The following GATA4 variants were observed in gnomAD, a reference collection of about 807,000 sequenced individuals.
GATA4 encodes GATA binding protein 4.
GATA4 carries 7 observed loss-of-function variants against 37.9 expected under a neutral mutation model. That is an observed-to-expected ratio of 0.18 (90% CI 0.11 to 0.35). The LOEUF (loss-of-function observed/expected upper bound fraction) is 0.35, where lower values mean the gene tolerates loss of function less well. Ranked by LOEUF, GATA4 falls within the 10% of genes least tolerant of loss-of-function variation. The pLI is 1.00. For synonymous variants in GATA4, 372 were observed against 292.6 expected, an observed-to-expected ratio of 1.27 and a Z score of -2.77; for missense variants, 647 against 653.0, an observed-to-expected ratio of 0.99 and a Z score of 0.10.
At chr8:11,701,773 C>G (rs934006729), upstream of GATA4, among the ~76,000 whole-genome samples, 2 of 150,600 alleles carry the variant, frequency 1.3e-5, no homozygotes, top group Non-Finnish European at 2.9e-5. Flanking sequence ...CCAGAGACAG[C>G]GAATATTCCT....
upstream of GATA4, among the ~76,000 whole-genome samples, chr8:11,699,876 A>G (rs975841065): frequency 1.3e-5 from 2 of 152,254 alleles, no homozygotes; most frequent in African/African-American, 4.8e-5. Context: ...AATGTTAAAC[A>G]TGCTCATTAA....
upstream of GATA4, among the ~76,000 whole-genome samples, chr8:11,689,684 C>T (rs1180616418): frequency 1.3e-5 from 2 of 152,168 alleles, no homozygotes; most frequent in Non-Finnish European, 2.9e-5. Flanking sequence ...CTCAAGCCCT[C>T]ACCCACCCCC....
chr8:11,677,690 C>G (rs1384500794), intron 1 of GATA4, among the ~76,000 whole-genome samples: 1 of 152,166 alleles, frequency 6.6e-6, no homozygotes, highest in African/African-American at 2.4e-5. Flanking sequence ...AGCTAGGTCT[C>G]AGAGCTCTCA....
chr8:11,741,443 G>C (rs1432805173), intron 2 of GATA4, among the ~76,000 whole-genome samples: 1 of 151,792 alleles, frequency 6.6e-6, no homozygotes, highest in Non-Finnish European at 1.5e-5. Context: ...TGAGCTGCTG[G>C]ACTCCAGCCT....
chr8:11,697,915 C>T (rs1168373570), intron 1 of GATA4: 4 of 985,382 alleles, frequency 4.1e-6, no homozygotes, highest in Non-Finnish European at 4.8e-6. Context: ...GGGGGACCCA[C>T]CAGTCCCCTG....
chr8:11,756,170 C>T (rs773784562), intron 5 of GATA4, among the ~76,000 whole-genome samples: 31 of 152,062 alleles, frequency 2.0e-4, no homozygotes, highest in Non-Finnish European at 4.3e-4. Flanking sequence ...GCTGATCTGA[C>T]GAAAAATTTA....
At chr8:11,720,678 A>G (rs1222446862) in intron 2 of GATA4, among the ~76,000 whole-genome samples, 1 of 151,984 alleles carries the variant, frequency 6.6e-6, no homozygotes, top group African/African-American at 2.4e-5. Flanking sequence ...TTCAGCTCCC[A>G]CTTATATGTG....
At chr8:11,725,416 G>A (rs367876118) in intron 2 of GATA4, among the ~76,000 whole-genome samples, 25 of 152,362 alleles carry the variant, frequency 1.6e-4, no homozygotes, top group South Asian at 6.2e-4. Context: ...ATCTGATTCC[G>A]TACTGGCCCC....
chr8:11,700,878 G>C (rs1242137061), upstream of GATA4: 2 of 152,156 alleles, frequency 1.3e-5, no homozygotes, highest in Non-Finnish European at 2.9e-5. Flanking sequence ...CGGGTGTAGC[G>C]GCCAAGATCA....
intron 2 of GATA4, among the ~76,000 whole-genome samples, chr8:11,710,049 G>C (rs910302980): frequency 2.0e-5 from 3 of 152,240 alleles, no homozygotes; most frequent in Non-Finnish European, 4.4e-5. Flanking sequence ...ACTTTGAAGA[G>C]TAAAGGCTAC....
upstream of GATA4, among the ~76,000 whole-genome samples, chr8:11,703,939 G>C (rs1438542796): frequency 6.6e-6 from 1 of 152,232 alleles, no homozygotes; most frequent in East Asian, 1.9e-4. Context: ...GCTGACCCTG[G>C]GCACCACAGC....
chr8:11,727,337 A>G (rs1585636894), intron 2 of GATA4, among the ~76,000 whole-genome samples: 1 of 151,766 alleles, frequency 6.6e-6, no homozygotes, highest in South Asian at 2.1e-4. Context: ...AGGAGAATGG[A>G]CCCGCCTGCT....
upstream of GATA4, among the ~76,000 whole-genome samples, chr8:11,688,705 G>A (rs184525283): frequency 1.4e-3 from 209 of 152,268 alleles, 1 homozygote; most frequent in African/African-American, 4.4e-3. Flanking sequence ...TTGAGGAGGT[G>A]GCCTTGCCTC....
At chr8:11,755,169 A>G (rs116050391) in intron 5 of GATA4, 36 bp downstream of exon 5, 1 of 1,539,210 alleles carries the variant, frequency 6.5e-7, no homozygotes, top group South Asian at 1.1e-5. Context: ...ATATGAGTAC[A>G]TCAGGAGCCC....
intron 1 of GATA4, among the ~76,000 whole-genome samples, chr8:11,695,527 A>G (rs1799480567): frequency 6.6e-6 from 1 of 152,206 alleles, no homozygotes; most frequent in South Asian, 2.1e-4. Flanking sequence ...TCAGAAATAC[A>G]GTCCTACGCT....
intron 1 of GATA4, among the ~76,000 whole-genome samples, chr8:11,693,580 G>C (rs970308188): frequency 1.3e-4 from 20 of 151,492 alleles, no homozygotes; most frequent in Non-Finnish European, 2.5e-4. Flanking sequence ...GAGAGAGAGA[G>C]AGAGAGAGAG....
At chr8:11,679,450 A>G (rs1375647697) in intron 1 of GATA4, among the ~76,000 whole-genome samples, 1 of 152,112 alleles carries the variant, frequency 6.6e-6, no homozygotes, top group Admixed American at 6.5e-5. Context: ...AAGGTCAATA[A>G]ACCAGGCGGC....
intron 1 of GATA4, among the ~76,000 whole-genome samples, chr8:11,693,864 C>G (rs1799421776): frequency 6.6e-6 from 1 of 152,270 alleles, no homozygotes; most frequent in Admixed American, 6.5e-5. Context: ...ATGAACAGCA[C>G]AGAGTCCGCA....
At position 11,708,874 on chromosome 8, in the gene GATA4, G is replaced by C; in HGVS notation, c.562G>C (p.Val188Leu). 2.0e-6 allele frequency: 3 copies of C among 1,527,732 alleles called. No homozygotes were observed. The highest frequency in any genetic ancestry group is 2.6e-6 in the Non-Finnish European group (3 of 1,143,812). The allele number at this position is 1,527,732 out of a possible 1,614,324, so 94.6% of individuals were successfully genotyped here. ...AASAGPFDSP[V>L]LHSLPGRANP... ...CTCCGCCGGCCCCTTCGACAGCCCG[G>C]TCCTGCACAGCCTGCCCGGCCGGGC... is the stretch of plus-strand genomic sequence containing the variant. The change falls in exon 2 of 7, where the codon GTC (valine) becomes CTC (leucine). Residue 188 changes from valine to leucine, a missense_variant. Physicochemically the swap from Val to Leu is conservative, Grantham distance 32. This residue lies in a region of GATA4 where 379 missense variants were observed against 334.5 expected (regional missense o/e 1.13). Coordinates refer to ENST00000532059, the MANE Select transcript of GATA4 (RefSeq NM_001308093.3). The surrounding 1 kb of genome is among the most constrained non-coding windows in gnomAD (Gnocchi z 6.7).
Sources: allele counts gnomAD v4.1 joint callset (sites outside exome capture counted in the v4.1 genomes callset), GRCh38; gene constraint gnomAD v4.1.1; regional missense constraint gnomAD v4.1.1; non-coding constraint Gnocchi (gnomAD v3.1); transcripts MANE v1.5; gene names NCBI Gene and HGNC (gene_info 2026-07-23, HGNC 2026-07-21).